Variants in COL14A1 observed in about 807,000 individuals in gnomAD.
COL14A1 encodes collagen alpha-1(XIV) chain.
In COL14A1, 136 loss-of-function variants were observed where a neutral mutation model predicts 230.3. The ratio of observed to expected loss-of-function variants is 0.59; its 90% CI spans 0.51 to 0.68. COL14A1 has a LOEUF of 0.68. COL14A1 is among the 30% of genes least tolerant of loss of function. The probability of loss-of-function intolerance (pLI) is 0.00; values close to 1 mark genes in which losing one functional copy is unlikely to be tolerated. For synonymous variants in COL14A1, 792 were observed against 784.1 expected, an observed-to-expected ratio of 1.01 and a Z score of -0.17; for missense variants, 1,976 against 2,215.8, an observed-to-expected ratio of 0.89 and a Z score of 2.17.
Position 120,363,772 on chromosome 8 carries a change from A to G in COL14A1, c.5078-3399A>G, listed in dbSNP as rs141360198. Reference sequence around the variant, plus strand: ...GGCCATGTGGGCATGAGAATAGGTAATGCAGTGGAATGCGCAGTACCAAAG... The same window carrying G: ...GGCCATGTGGGCATGAGAATAGGTAGTGCAGTGGAATGCGCAGTACCAAAG... On this transcript the variant is annotated intron_variant, in intron 45 of 47. Transcript: ENST00000297848. 9.8e-3 allele frequency among the ~76,000 whole-genome samples: 1,491 copies of G among 152,322 alleles called. 29 individuals are homozygous for G. Among genetic ancestry groups the G allele is most frequent in the African/African-American group, 0.034 (1,422 of 41,566 alleles).
At chr8:120,346,170 A>G (rs1822502252) in intron 45 of COL14A1, among the ~76,000 whole-genome samples, 2 of 152,300 alleles carry the variant, frequency 1.3e-5, no homozygotes, top group Middle Eastern at 3.4e-3. Context: ...TCATGGGCCA[A>G]TGTTTTGCCT....
At chr8:120,208,717 T>G (rs920661449) in intron 11 of COL14A1, among the ~76,000 whole-genome samples, 1 of 152,106 alleles carries the variant, frequency 6.6e-6, no homozygotes, top group Non-Finnish European at 1.5e-5. Flanking sequence ...ACTCCATAGC[T>G]CTCCCGCCCA....
intron 23 of COL14A1, among the ~76,000 whole-genome samples, chr8:120,258,968 G>C (rs1048934504): frequency 6.6e-6 from 1 of 152,102 alleles, no homozygotes; most frequent in Non-Finnish European, 1.5e-5. Context: ...CCCACAACTT[G>C]ATGAACTTCT....
In COL14A1 at chr8:120,266,887, A is replaced by G; in HGVS notation, c.3073+4A>G. On this transcript the variant is annotated splice_donor_region_variant and intron_variant, in intron 25 of 47. Coordinates refer to ENST00000297848, the MANE Select transcript of COL14A1 (RefSeq NM_021110.4). The stretch of plus-strand genomic sequence containing the variant: ...ACCATTCCACCAGCAAAAGAAGGTA[A>G]AAGAATAATAGAATAATTATCTGAT... 1.9e-6 allele frequency: 3 copies of G among 1,607,152 alleles called. No homozygotes were observed. Among genetic ancestry groups the G allele is most frequent in the Non-Finnish European group, 2.6e-6 (3 of 1,174,072 alleles).
chr8:120,300,331 C>T, intron 35 of COL14A1, among the ~76,000 whole-genome samples: 1 of 152,092 alleles, frequency 6.6e-6, no homozygotes, highest in Non-Finnish European at 1.5e-5. Context: ...TGATTGAGTA[C>T]TCCAAGTTTT....
Position 120,247,604 on chromosome 8 carries a change from T to C in COL14A1, c.2480-9T>C, listed in dbSNP as rs2305604. ...TGAATCCCTGTTTTTCCTTTTCTTT[T>C]CTACTCAGTACCATCCTCGGGGCCC... On this transcript the variant is annotated splice_polypyrimidine_tract_variant and intron_variant, in intron 20 of 47. Coordinates refer to ENST00000297848, the MANE Select transcript of COL14A1 (RefSeq NM_021110.4). 0.42 allele frequency: 671,333 copies of C among 1,604,826 alleles called. 141,924 individuals carry two copies. The highest frequency in any genetic ancestry group is 0.46 in the Middle Eastern group (2,746 of 6,006).
chr8:120,203,431 C>T (rs1280655831), intron 8 of COL14A1, among the ~76,000 whole-genome samples: 1 of 151,942 alleles, frequency 6.6e-6, no homozygotes, highest in African/African-American at 2.4e-5. Context: ...CATATGCTCG[C>T]TCTTCCCTTT....
intron 5 of COL14A1, among the ~76,000 whole-genome samples, chr8:120,184,523 G>C (rs529084351): frequency 2.6e-5 from 4 of 152,186 alleles, no homozygotes; most frequent in Admixed American, 1.3e-4. Flanking sequence ...CCAAAGTGCT[G>C]GGATTACAAA....
At position 120,280,752 on chromosome 8, in the gene COL14A1, A is replaced by AT; in HGVS notation, c.3685+4dup. 1 of 1,613,048 alleles carries AT rather than the reference A, an allele frequency of 6.2e-7. No individual in the cohort carries two copies. Among genetic ancestry groups the AT allele is most frequent in the Non-Finnish European group, 8.5e-7 (1 of 1,179,488 alleles). ...CAAGGATGGCATTGATCTTGCAGGT[A>AT]TGCATTATCACAATCTTTTCAAACA... On this transcript the variant is annotated splice_donor_region_variant and intron_variant, in intron 30 of 47. Coordinates refer to ENST00000297848, the MANE Select transcript of COL14A1 (RefSeq NM_021110.4).
At chr8:120,126,419 AT>A (rs1321080546) in intron 1 of COL14A1, among the ~76,000 whole-genome samples, 1 of 152,010 alleles carries the variant, frequency 6.6e-6, no homozygotes, top group African/African-American at 2.4e-5. Context: ...ATGGGCCAGG[AT>A]TTCCCCCCAA....
intron 23 of COL14A1, among the ~76,000 whole-genome samples, chr8:120,256,508 A>G (rs1201143230): frequency 6.6e-6 from 1 of 152,220 alleles, no homozygotes; most frequent in Non-Finnish European, 1.5e-5. Context: ...ATGTGGCACC[A>G]CTGCTTCCTT....
chr8:120,149,843 C>T (rs916915296), intron 2 of COL14A1, among the ~76,000 whole-genome samples: 2 of 151,982 alleles, frequency 1.3e-5, no homozygotes, highest in South Asian at 2.1e-4. Context: ...TACAGGCATG[C>T]GCCACCAAGC....
At chr8:120,304,534 T>C (rs1021641685) in intron 36 of COL14A1, among the ~76,000 whole-genome samples, 1 of 152,214 alleles carries the variant, frequency 6.6e-6, no homozygotes. Flanking sequence ...GTTCAAAATA[T>C]TAGAACTGTT....
At chr8:120,236,869 A>G (rs1415361584) in intron 19 of COL14A1, among the ~76,000 whole-genome samples, 1 of 152,022 alleles carries the variant, frequency 6.6e-6, no homozygotes, top group Admixed American at 6.5e-5. Context: ...TTTCTCCTTC[A>G]CTTATGAAGC....
intron 19 of COL14A1, among the ~76,000 whole-genome samples, chr8:120,239,720 G>A (rs1818556217): frequency 7.2e-6 from 1 of 138,426 alleles, no homozygotes. Flanking sequence ...TATATAAGTT[G>A]TGATTTTTTT....
At chr8:120,276,905 G>A (rs1323894939) in intron 26 of COL14A1, among the ~76,000 whole-genome samples, 2 of 151,980 alleles carry the variant, frequency 1.3e-5, no homozygotes, top group Admixed American at 6.6e-5. Flanking sequence ...AGGCATGTCA[G>A]AAAGAAGCAA....
chr8:120,139,199 T>C (rs1159131452), intron 1 of COL14A1, among the ~76,000 whole-genome samples: 2 of 152,250 alleles, frequency 1.3e-5, no homozygotes, highest in African/African-American at 4.8e-5. Flanking sequence ...TCTTCTAATA[T>C]ATGAAAACTT....
intron 42 of COL14A1, among the ~76,000 whole-genome samples, chr8:120,337,477 A>G (rs983856869): frequency 6.6e-6 from 1 of 152,138 alleles, no homozygotes; most frequent in Non-Finnish European, 1.5e-5. Context: ...GCTGATGTTC[A>G]GAGGCATATT....
At chr8:120,293,634 T>C (rs1406309811) in intron 34 of COL14A1, among the ~76,000 whole-genome samples, 1 of 151,832 alleles carries the variant, frequency 6.6e-6, no homozygotes, top group African/African-American at 2.4e-5. Flanking sequence ...TTCTATAAGA[T>C]CATCTGCCTT....
Sources: allele counts gnomAD v4.1 joint callset (sites outside exome capture counted in the v4.1 genomes callset), GRCh38; gene constraint gnomAD v4.1.1; transcripts MANE v1.5; gene names NCBI Gene and HGNC (gene_info 2026-07-23, HGNC 2026-07-21).